METTL15: variants seen among roughly 807,000 people sequenced by gnomAD.
The protein encoded by METTL15 is methyltransferase 15, mitochondrial 12S rRNA N4-cytidine.
Under a neutral mutation model 38.3 loss-of-function variants are expected in METTL15, and 34 were observed. The ratio of observed to expected loss-of-function variants is 0.89; its 90% CI spans 0.68 to 1.18. METTL15 has a LOEUF of 1.18. Among genes scored for constraint, METTL15 ranks in the 50% most tolerant of loss-of-function variants. The probability of loss-of-function intolerance (pLI) is 0.00; values close to 1 mark genes in which losing one functional copy is unlikely to be tolerated. For synonymous variants in METTL15, 162 were observed against 170.9 expected, an observed-to-expected ratio of 0.95 and a Z score of 0.41; for missense variants, 438 against 498.4, an observed-to-expected ratio of 0.88 and a Z score of 1.15.
chr11:28,227,725 A>G (rs1416300242), intron 4 of METTL15, among the ~76,000 whole-genome samples: 1 of 151,838 alleles, frequency 6.6e-6, no homozygotes, highest in Non-Finnish European at 1.5e-5. Flanking sequence ...ACATGATCAT[A>G]TTTGCACTTT....
intron 6 of METTL15, among the ~76,000 whole-genome samples, chr11:28,486,759 C>A (rs1223400912): frequency 1.1e-4 from 17 of 152,140 alleles, no homozygotes; most frequent in Admixed American, 1.1e-3. Flanking sequence ...TTTGCCATGC[C>A]AGGATATTGT....
chr11:28,195,283 A>T (rs931158639), intron 3 of METTL15, among the ~76,000 whole-genome samples: 1 of 152,094 alleles, frequency 6.6e-6, no homozygotes, highest in African/African-American at 2.4e-5. Flanking sequence ...TCTTTGAGAA[A>T]TCTCCATGCT....
intron 6 of METTL15, among the ~76,000 whole-genome samples, chr11:28,485,860 G>T (rs1851433851): frequency 6.6e-6 from 1 of 152,104 alleles, no homozygotes; most frequent in Admixed American, 6.6e-5. Context: ...GCTTGCACAT[G>T]GCTGCTTTCT....
At chr11:28,373,033 G>T (rs1217662420) in intron 5 of METTL15, among the ~76,000 whole-genome samples, 2 of 151,862 alleles carry the variant, frequency 1.3e-5, no homozygotes, top group Non-Finnish European at 2.9e-5. Flanking sequence ...TGGACATTGG[G>T]GTTGGTTCCA....
chr11:28,383,309 T>C (rs1175156410), intron 5 of METTL15, among the ~76,000 whole-genome samples: 1 of 152,212 alleles, frequency 6.6e-6, no homozygotes, highest in East Asian at 1.9e-4. Flanking sequence ...ATTATTTTTA[T>C]GGGTGGGTAG....
intron 5 of METTL15, among the ~76,000 whole-genome samples, chr11:28,377,172 C>A (rs1414913443): frequency 1.4e-5 from 2 of 147,254 alleles, no homozygotes; most frequent in East Asian, 3.9e-4. Flanking sequence ...ATCTTTGTGG[C>A]GTTCTCTGTA....
At chr11:28,137,678 A>T (rs964920438) in intron 3 of METTL15, among the ~76,000 whole-genome samples, 1 of 152,370 alleles carries the variant, frequency 6.6e-6, no homozygotes, top group East Asian at 1.9e-4. Flanking sequence ...AGCATAATTC[A>T]GATCACATAT....
At chr11:28,174,838 A>G (rs1267089865) in intron 3 of METTL15, among the ~76,000 whole-genome samples, 2 of 151,144 alleles carry the variant, frequency 1.3e-5, no homozygotes, top group African/African-American at 4.8e-5. Context: ...AAACATAAAA[A>G]AGCAAAAAAA....
chr11:28,431,966 C>T (rs1850936093), intron 6 of METTL15, among the ~76,000 whole-genome samples: 1 of 152,118 alleles, frequency 6.6e-6, no homozygotes, highest in Non-Finnish European at 1.5e-5. Flanking sequence ...TCATAGGATT[C>T]TCAACTCTCT....
intron 6 of METTL15, among the ~76,000 whole-genome samples, chr11:28,318,701 A>C (rs1183935138): frequency 2.0e-5 from 3 of 152,276 alleles, no homozygotes; most frequent in Admixed American, 6.5e-5. Context: ...TGTTCTCCTC[A>C]TCTTGCTTAA....
At chr11:28,222,253 C>T (rs1036193518) in intron 4 of METTL15, among the ~76,000 whole-genome samples, 9 of 152,276 alleles carry the variant, frequency 5.9e-5, no homozygotes, top group Admixed American at 1.3e-4. Context: ...TCAGCAATGG[C>T]GGGCGCCCCT....
chr11:28,217,827 A>G (rs1003882118), intron 4 of METTL15, among the ~76,000 whole-genome samples: 4 of 152,066 alleles, frequency 2.6e-5, no homozygotes, highest in African/African-American at 9.7e-5. Context: ...TCCTTTCTCC[A>G]TTTCTTGTTT....
chr11:28,245,866 C>T lies in METTL15; in HGVS notation c.407+34668C>T, dbSNP rs567499792. ...TTCAGACAACAAAATCTCATGAGAA[C>T]TCACTATCATGAGAACAGTAAGGGG... is the stretch of plus-strand genomic sequence containing the variant. On this transcript the variant is annotated intron_variant, in intron 4 of 6. Transcript: ENST00000407364. 8.5e-5 allele frequency among the ~76,000 whole-genome samples: 13 copies of T among 152,118 alleles called. No individual in the cohort carries two copies. In the South Asian group the frequency reaches 2.7e-3, roughly 32 times the overall value.
intron 5 of METTL15, among the ~76,000 whole-genome samples, chr11:28,376,986 C>T (rs1158700962): frequency 1.6e-5 from 2 of 125,732 alleles, no homozygotes; most frequent in South Asian, 2.6e-4. Context: ...TGAATATTGG[C>T]CCCCACTCTC....
rs778552196 is a variant in METTL15 at position 28,362,830 on chromosome 11, G to A, written c.*358+794G>A. On this transcript the variant is annotated intron_variant and NMD_transcript_variant, in intron 5 of 7. Coordinates refer to the METTL15 transcript ENST00000532947. ...TTATGAATAGTGCTGCAACAAACAT[G>A]TGGGTGCATGTGTCTTCATGATAGA... Among the ~76,000 whole-genome samples the A allele has an allele frequency of 4.6e-5, 7 of 152,264 alleles. No individual in the cohort carries two copies. The South Asian group carries it at 1.2e-3, about 27-fold the overall frequency.
downstream of METTL15, among the ~76,000 whole-genome samples, chr11:28,530,949 A>C (rs116640647): frequency 0.016 from 2,385 of 152,070 alleles, 68 homozygotes; most frequent in African/African-American, 0.053. Flanking sequence ...TATGAAGTCT[A>C]AGGGGGTTTA....
intron 4 of METTL15, among the ~76,000 whole-genome samples, chr11:28,219,387 T>A (rs1438037984): frequency 1.3e-5 from 2 of 152,224 alleles, no homozygotes. Context: ...TTTGTATTTC[T>A]GTGGGATCGG....
At chr11:28,302,345 T>C (rs547883918) in intron 6 of METTL15, among the ~76,000 whole-genome samples, 1 of 152,300 alleles carries the variant, frequency 6.6e-6, no homozygotes, top group South Asian at 2.1e-4. Context: ...TGTTCAGTCT[T>C]GTAGGTCATA....
At chr11:28,174,402 C>T (rs923487176) in intron 3 of METTL15, among the ~76,000 whole-genome samples, 12 of 151,966 alleles carry the variant, frequency 7.9e-5, no homozygotes, top group Admixed American at 1.3e-4. Flanking sequence ...TTATTTTTAC[C>T]TTTAAATACC....
Sources: allele counts gnomAD v4.1 joint callset (sites outside exome capture counted in the v4.1 genomes callset), GRCh38; gene constraint gnomAD v4.1.1; transcripts MANE v1.5; gene names NCBI Gene and HGNC (gene_info 2026-07-23, HGNC 2026-07-21).